The following ARHGAP42 variants were observed in gnomAD, a reference collection of about 807,000 sequenced individuals.
ARHGAP42 encodes the protein Rho GTPase activating protein 42, also known as rho GTPase-activating protein 42.
A neutral mutation model predicts 125.0 loss-of-function variants in ARHGAP42; 63 were observed. The ratio of observed to expected loss-of-function variants is 0.50; its 90% confidence interval spans 0.41 to 0.62. ARHGAP42 has a LOEUF of 0.62. Ranked by LOEUF, ARHGAP42 falls within the 20% of genes least tolerant of loss-of-function variation. The pLI, the probability that ARHGAP42 is intolerant of heterozygous loss-of-function variation, is 0.00. For synonymous variants in ARHGAP42, 339 were observed against 351.0 expected (o/e 0.97, Z 0.38); for missense variants, 766 against 1,024.2 (o/e 0.75, Z 3.44).
chr11:100,688,341 T>C (rs771907307), intron 1 of ARHGAP42, among the ~76,000 whole-genome samples: 1 of 152,212 alleles, frequency 6.6e-6, no homozygotes, highest in Non-Finnish European at 1.5e-5. Context: ...TTTGCCATTT[T>C]GTAAGATAAT....
intron 1 of ARHGAP42, among the ~76,000 whole-genome samples, chr11:100,727,561 T>C (rs1043819910): frequency 6.6e-6 from 1 of 152,102 alleles, no homozygotes; most frequent in African/African-American, 2.4e-5. Context: ...GGGCTGGAGA[T>C]CGAGTTAATA....
At position 100,857,423 on chromosome 11, in the gene ARHGAP42, TGTGAATGTGA is replaced by T. The variant is rs1416994991; in HGVS notation, c.313-2127_313-2118del. Among the ~76,000 whole-genome samples, 6 of 152,268 alleles carry T rather than the reference TGTGAATGTGA, an allele frequency of 3.9e-5. No individual in the cohort carries two copies. The East Asian group carries it at 1.2e-3, about 29-fold the overall frequency. On this transcript the variant is annotated intron_variant, in intron 3 of 23. Coordinates refer to ENST00000298815, the MANE Select transcript of ARHGAP42 (RefSeq NM_152432.4). ...GAAGGGGTAGATGTAAACCATTGGA[TGTGAATGTGA>T]GTGCCAAGGTCTTAGGATATGACAT...
intron 3 of ARHGAP42, among the ~76,000 whole-genome samples, chr11:100,848,460 A>G (rs1865123680): frequency 1.3e-5 from 2 of 151,476 alleles, no homozygotes; most frequent in South Asian, 2.1e-4. Context: ...CTTCCTGCTC[A>G]TGTAAACTGG....
chr11:100,958,746 G>A (rs1030330221), intron 12 of ARHGAP42, among the ~76,000 whole-genome samples: 2 of 151,690 alleles, frequency 1.3e-5, no homozygotes, highest in African/African-American at 4.8e-5. Context: ...TTGTCCTGTC[G>A]ATTACTTTTG....
At chr11:100,917,080 T>A (rs1867088505) in intron 5 of ARHGAP42, among the ~76,000 whole-genome samples, 1 of 151,170 alleles carries the variant, frequency 6.6e-6, no homozygotes. Flanking sequence ...AACAGTGGGA[T>A]TGCAATTCTT....
intron 1 of ARHGAP42, among the ~76,000 whole-genome samples, chr11:100,704,524 C>A (rs1861447239): frequency 6.6e-6 from 1 of 152,134 alleles, no homozygotes; most frequent in Admixed American, 6.5e-5. Flanking sequence ...TGCCTTCATT[C>A]CTCAGACTGC....
chr11:100,731,397 C>T (rs565070635), intron 1 of ARHGAP42, among the ~76,000 whole-genome samples: 1 of 152,248 alleles, frequency 6.6e-6, no homozygotes, highest in Admixed American at 6.5e-5. Flanking sequence ...GATCCATCCG[C>T]CTCAGACTCC....
chr11:100,912,561 G>A (rs1260188582), intron 4 of ARHGAP42, among the ~76,000 whole-genome samples: 1 of 152,122 alleles, frequency 6.6e-6, no homozygotes, highest in African/African-American at 2.4e-5. Flanking sequence ...ATTTATGATT[G>A]TAGTTACTTA....
intron 1 of ARHGAP42, among the ~76,000 whole-genome samples, chr11:100,717,923 T>TGAA (rs58895541): frequency 0.032 from 4,448 of 140,800 alleles, 171 homozygotes; most frequent in African/African-American, 0.039. Context: ...GACTCTGCCT[T>TGAA]AAAAAAAAAA....
At chr11:100,946,213 C>G (rs543238858) in intron 10 of ARHGAP42, among the ~76,000 whole-genome samples, 1 of 152,016 alleles carries the variant, frequency 6.6e-6, no homozygotes, top group Admixed American at 6.6e-5. Context: ...TGAAGACAGT[C>G]AGGGCCTTGC....
At chr11:100,882,011 T>C (rs1865974655) in intron 4 of ARHGAP42, among the ~76,000 whole-genome samples, 1 of 152,204 alleles carries the variant, frequency 6.6e-6, no homozygotes, top group South Asian at 2.1e-4. Context: ...TCTGATTTTC[T>C]AGGTATACAG....
intron 6 of ARHGAP42, among the ~76,000 whole-genome samples, chr11:100,928,740 A>C (rs1469690337): frequency 6.6e-6 from 1 of 152,172 alleles, no homozygotes. Flanking sequence ...TTAAAAATAA[A>C]CATCACATCC....
chr11:100,761,416 G>GT (rs907045810), intron 1 of ARHGAP42, among the ~76,000 whole-genome samples: 4 of 152,176 alleles, frequency 2.6e-5, no homozygotes, highest in African/African-American at 9.6e-5. Flanking sequence ...CTCTTTTCAA[G>GT]TTTTTTCCCC....
chr11:100,807,930 A>G (rs1864037839), intron 3 of ARHGAP42, among the ~76,000 whole-genome samples: 1 of 152,150 alleles, frequency 6.6e-6, no homozygotes, highest in East Asian at 1.9e-4. Context: ...TTCATAAACC[A>G]TGTTTTGATG....
At position 100,733,630 on chromosome 11, in the gene ARHGAP42, C is replaced by G. The variant is rs190647699; in HGVS notation, c.155-36713C>G. On this transcript the variant is annotated intron_variant, in intron 1 of 23. Transcript: ENST00000298815. ...CCTGAGGTCAGGAGTTTGAGACAAGCCTGGCCAACATGGTGAAACCCCCAT... is the reference window on the plus strand; with the variant it reads ...CCTGAGGTCAGGAGTTTGAGACAAGGCTGGCCAACATGGTGAAACCCCCAT... Among the ~76,000 whole-genome samples the G allele has an allele frequency of 3.9e-3, 593 of 151,926 alleles. 6 individuals are homozygous for G. Among genetic ancestry groups the G allele is most frequent in the African/African-American group, 0.014 (572 of 41,464 alleles).
At chr11:100,975,986 A>G in intron 19 of ARHGAP42, 71 bp from the exon 20 acceptor site, 1 of 1,432,706 alleles carries the variant, frequency 7.0e-7, no homozygotes. Flanking sequence ...TGGAGAACAG[A>G]AGGGTTTTGG....
intron 1 of ARHGAP42, among the ~76,000 whole-genome samples, chr11:100,735,039 T>C (rs1862038169): frequency 6.6e-6 from 1 of 152,104 alleles, no homozygotes. Context: ...AACCCTGTGT[T>C]TGGGGTTTGC....
At chr11:100,943,556 A>C (rs1204604107) in intron 9 of ARHGAP42, among the ~76,000 whole-genome samples, 2 of 152,144 alleles carry the variant, frequency 1.3e-5, no homozygotes, top group African/African-American at 4.8e-5. Context: ...TAAATAAAAC[A>C]TGCATATGCC....
chr11:100,717,300 G>A (rs1861678267), intron 1 of ARHGAP42, among the ~76,000 whole-genome samples: 1 of 152,126 alleles, frequency 6.6e-6, no homozygotes, highest in Non-Finnish European at 1.5e-5. Flanking sequence ...TGAAATCAAT[G>A]TAGTAAGTTG....
Sources: allele counts gnomAD v4.1 joint callset (sites outside exome capture counted in the v4.1 genomes callset), GRCh38; gene constraint gnomAD v4.1.1; transcripts MANE v1.5; gene names NCBI Gene and HGNC (gene_info 2026-07-23, HGNC 2026-07-21).